Variants in NLRP1 observed in about 807,000 individuals in gnomAD.
NLRP1 encodes the protein NACHT, LRR and PYD domains-containing protein 1.
A neutral mutation model predicts 136.7 loss-of-function variants in NLRP1; 94 were observed. The observed-to-expected ratio is 0.69, with a 90% CI of 0.58 to 0.82. NLRP1 has a LOEUF of 0.82. NLRP1 is among the 40% of genes least tolerant of loss of function. The pLI is 0.00. For missense variants in NLRP1, 1,575 were observed against 1,802.7 expected (o/e 0.87, Z 2.29); for synonymous variants, 690 against 725.1 (o/e 0.95, Z 0.78).
At chr17:5,539,907 CTTTTTCT>C (rs1326912686) in intron 6 of NLRP1, among the ~76,000 whole-genome samples, 3 of 152,166 alleles carry the variant, frequency 2.0e-5, no homozygotes, top group African/African-American at 7.2e-5. Flanking sequence ...TCTGTTTTCT[CTTTTTCT>C]TTTTTCTTTT....
chr17:5,584,045 T>C lies in NLRP1; in HGVS notation c.-88A>G. The C allele has an allele frequency of 7.5e-7, 1 of 1,329,990 alleles. No homozygotes were observed. The highest frequency in any genetic ancestry group is 1.0e-6 in the Non-Finnish European group (1 of 977,342). 82.4% of individuals were successfully genotyped at this position (1,329,990 alleles called of 1,614,324 possible). On this transcript the variant is annotated 5_prime_UTR_variant, in exon 1 of 17. Coordinates refer to ENST00000572272, the MANE Select transcript of NLRP1 (RefSeq NM_033004.4). ...GCAGAGAACAGTGCTGTCCTTTGCC[T>C]TGGCTCTTACCGTCTCTTATTCAGC...
chr17:5,503,892 C>G (rs1907211460), intron 15 of NLRP1: 1 of 152,256 alleles, frequency 6.6e-6, no homozygotes. Flanking sequence ...GGGACCTGCC[C>G]AGAGTACATA....
At chr17:5,526,298 C>T (rs1909545675) in intron 12 of NLRP1, among the ~76,000 whole-genome samples, 1 of 152,126 alleles carries the variant, frequency 6.6e-6, no homozygotes, top group Non-Finnish European at 1.5e-5. Flanking sequence ...TTTGAATATC[C>T]ATTTTGCTTA....
intron 12 of NLRP1, among the ~76,000 whole-genome samples, chr17:5,524,974 C>T (rs1163332973): frequency 1.3e-5 from 2 of 152,142 alleles, no homozygotes; most frequent in Non-Finnish European, 2.9e-5. Context: ...GGTAGAGTCA[C>T]CTCATCCAAA....
chr17:5,515,117 C>G, intron 16 of NLRP1, 44 bp from the exon 17 acceptor site: 1 of 1,543,082 alleles, frequency 6.5e-7, no homozygotes, highest in Non-Finnish European at 8.9e-7. Context: ...CCTCCACCTC[C>G]AATCCCCACC....
intron 5 of NLRP1, among the ~76,000 whole-genome samples, chr17:5,552,495 C>T (rs1338505282): frequency 6.6e-6 from 1 of 152,150 alleles, no homozygotes; most frequent in Non-Finnish European, 1.5e-5. Context: ...AACCAGCAAG[C>T]ACGAGATCAC....
chr17:5,533,259 A>T (rs1910554238), intron 10 of NLRP1, 45 bp downstream of exon 10: 6 of 1,551,488 alleles, frequency 3.9e-6, no homozygotes, highest in Non-Finnish European at 5.2e-6. Context: ...GTTGAGAGAG[A>T]ACATGGTTCA....
intron 15 of NLRP1, among the ~76,000 whole-genome samples, chr17:5,508,089 G>A (rs1410536560): frequency 2.0e-5 from 3 of 151,590 alleles, no homozygotes; most frequent in Admixed American, 2.0e-4. Context: ...AGCTGACATC[G>A]TGTCATTGCA....
chr17:5,583,938 C>T lies in NLRP1; in HGVS notation c.20G>A (p.Gly7Asp). Residue 7 changes from glycine (G) to aspartate (D), a missense_variant, in exon 1 of 17, where the codon GGC becomes GAC. Physicochemically the swap from Gly to Asp is moderately conservative, Grantham distance 94 (BLOSUM62 -1). Transcript: ENST00000572272. The surrounding 1 kb of genome is among the most constrained non-coding windows in gnomAD (Gnocchi z 4.5). Reference sequence around the variant, plus strand: ...GAACTCCAAGTAACAGGCCAGGCGGCCCCAGGCTCCGCCAGCCATCTCTGT... The same window carrying T: ...GAACTCCAAGTAACAGGCCAGGCGGTCCCAGGCTCCGCCAGCCATCTCTGT... MAGGAW[G>D]RLACYLEFLK... 6 of 1,609,216 alleles carry T rather than the reference C, an allele frequency of 3.7e-6. No individual in the cohort carries two copies. Among genetic ancestry groups the T allele is most frequent in the East Asian group, 2.2e-5 (1 of 44,862 alleles).
intron 14 of NLRP1, 92 bp downstream of exon 14, chr17:5,520,789 T>C (rs1908792971): frequency 4.2e-6 from 5 of 1,188,930 alleles, no homozygotes. Flanking sequence ...ATTTATCCTG[T>C]CCCTGAGAAA....
chr17:5,520,868 C>G lies in NLRP1; in HGVS notation c.3915+13G>C. On this transcript the variant is annotated intron_variant, in intron 14 of 16. Transcript: ENST00000572272. Reference sequence around the variant, plus strand: ...TCTGTTCGCAGTGAAGAGGCAGACACTGGGCTGCTCACCTTGGGGAGTATT... The same window carrying G: ...TCTGTTCGCAGTGAAGAGGCAGACAGTGGGCTGCTCACCTTGGGGAGTATT... 6.3e-7 allele frequency: 1 copy of G among 1,576,510 alleles called. No individual in the cohort carries two copies. The highest frequency in any genetic ancestry group is 2.3e-5 in the East Asian group (1 of 44,424).
chr17:5,552,084 C>CTTTTTTTTTT (rs71151872), intron 5 of NLRP1, among the ~76,000 whole-genome samples: 1 of 96,676 alleles, frequency 1.0e-5, no homozygotes. Flanking sequence ...TCTATCTTTC[C>CTTTTTTTTTT]TTTTTTTTTT....
chr17:5,530,776 T>C, intron 11 of NLRP1, 72 bp from the exon 12 acceptor site: 3 of 1,173,786 alleles, frequency 2.6e-6, no homozygotes, highest in East Asian at 2.4e-5. Flanking sequence ...CCAGACCCCA[T>C]GCAGGGGCTT....
chr17:5,563,777 T>C (rs1597466136), intron 3 of NLRP1, among the ~76,000 whole-genome samples: 2 of 152,212 alleles, frequency 1.3e-5, no homozygotes, highest in African/African-American at 4.8e-5. Flanking sequence ...CAAAGAATCC[T>C]TGTGAGATAC....
intron 3 of NLRP1, among the ~76,000 whole-genome samples, chr17:5,574,004 T>A (rs1053375710): frequency 6.6e-6 from 1 of 152,026 alleles, no homozygotes; most frequent in Admixed American, 6.6e-5. Context: ...AGATCAAACT[T>A]CTCCGAGCTA....
At chr17:5,554,475 T>C (rs1913783340) in intron 4 of NLRP1, among the ~76,000 whole-genome samples, 1 of 152,152 alleles carries the variant, frequency 6.6e-6, no homozygotes, top group Non-Finnish European at 1.5e-5. Context: ...TCCCAACAAG[T>C]CCCCAACCTG....
chr17:5,507,780 G>A (rs539001623), intron 15 of NLRP1, among the ~76,000 whole-genome samples: 38 of 152,252 alleles, frequency 2.5e-4, no homozygotes, highest in African/African-American at 8.9e-4. Context: ...GTAGTGAGCC[G>A]AGATTGCGCC....
At chr17:5,577,933 C>A in intron 3 of NLRP1, among the ~76,000 whole-genome samples, 1 of 152,104 alleles carries the variant, frequency 6.6e-6, no homozygotes, top group East Asian at 1.9e-4. Context: ...TGGAACAGAA[C>A]AGAGCCCTCA....
downstream of NLRP1, among the ~76,000 whole-genome samples, chr17:5,511,884 C>T (rs1255976300): frequency 3.7e-5 from 5 of 133,738 alleles, no homozygotes; most frequent in Admixed American, 7.5e-5. Context: ...CTTCTTTCTT[C>T]TTTCTCTCTG....
Sources: gnomAD v4.1 joint callset for allele counts (sites outside exome capture counted in the v4.1 genomes callset) on GRCh38, gnomAD v4.1.1 for gene constraint, Gnocchi (gnomAD v3.1) non-coding constraint, MANE v1.5 for transcripts, NCBI Gene and HGNC (gene_info 2026-07-23, HGNC 2026-07-21) for gene names.